Variants in SAMD4A observed in about 807,000 individuals in gnomAD.
SAMD4A encodes protein Smaug homolog 1.
A neutral mutation model predicts 81.3 loss-of-function variants in SAMD4A; 33 were observed. The observed-to-expected ratio is 0.41, with a 90% CI of 0.31 to 0.54. The LOEUF (loss-of-function observed/expected upper bound fraction) is 0.54. SAMD4A is among the 20% of genes least tolerant of loss of function. The probability of loss-of-function intolerance (pLI) is 0.37; values close to 1 mark genes in which losing one functional copy is unlikely to be tolerated. For synonymous variants in SAMD4A, 389 were observed against 382.1 expected (o/e 1.02, Z -0.21); for missense variants, 854 against 951.1 (o/e 0.90, Z 1.34).
At chr14:54,671,629 G>C (rs183034725) in intron 2 of SAMD4A, among the ~76,000 whole-genome samples, 1 of 152,296 alleles carries the variant, frequency 6.6e-6, no homozygotes, top group Admixed American at 6.5e-5. Context: ...GTCAGGCCTA[G>C]AATCTTGGAC....
At position 54,567,809 on chromosome 14, in the gene SAMD4A, C is replaced by G; in HGVS notation, c.-108C>G. ...TCCGGGCACCAGAGCCACCTTGGAA[C>G]AGGAACGCGTCTCCGGCCGCGGGGC... On this transcript the variant is annotated 5_prime_UTR_variant, in exon 2 of 13. Transcript: ENST00000554335. The G allele has an allele frequency of 8.1e-7, 1 of 1,231,464 alleles. No individual in the cohort carries two copies. The highest frequency in any genetic ancestry group is 1.1e-6 in the Non-Finnish European group (1 of 890,096). 76.3% of individuals were successfully genotyped at this position (1,231,464 alleles called of 1,614,324 possible).
intron 2 of SAMD4A, among the ~76,000 whole-genome samples, chr14:54,640,786 G>A (rs968743832): frequency 6.6e-6 from 1 of 152,032 alleles, no homozygotes; most frequent in African/African-American, 2.4e-5. Context: ...TGGTGCACTG[G>A]GCAGGCCGTG....
intron 2 of SAMD4A, among the ~76,000 whole-genome samples, chr14:54,580,437 G>A (rs1443731534): frequency 6.6e-6 from 1 of 152,164 alleles, no homozygotes; most frequent in African/African-American, 2.4e-5. Context: ...TTATAGTGTA[G>A]GAAGCATGTT....
chr14:54,597,808 G>A (rs1031560448), intron 2 of SAMD4A, among the ~76,000 whole-genome samples: 2 of 151,446 alleles, frequency 1.3e-5, no homozygotes, highest in Admixed American at 6.6e-5. Flanking sequence ...CCCAGGTCTC[G>A]AACTCCTGGG....
At chr14:54,712,876 C>A (rs1298205170) in intron 3 of SAMD4A, among the ~76,000 whole-genome samples, 1 of 152,058 alleles carries the variant, frequency 6.6e-6, no homozygotes, top group Non-Finnish European at 1.5e-5. Flanking sequence ...TGTTCTCATT[C>A]CCCACCAGAC....
intron 2 of SAMD4A, among the ~76,000 whole-genome samples, chr14:54,609,341 G>A (rs2034298897): frequency 6.6e-6 from 1 of 152,218 alleles, no homozygotes; most frequent in African/African-American, 2.4e-5. Flanking sequence ...AAGAGGCAAG[G>A]AAAGAGATTC....
At chr14:54,717,657 T>C (rs772767532) in intron 3 of SAMD4A, among the ~76,000 whole-genome samples, 4 of 152,064 alleles carry the variant, frequency 2.6e-5, no homozygotes, top group Non-Finnish European at 5.9e-5. Context: ...TCTCAAAATA[T>C]TGTGGCTAAA....
At chr14:54,726,174 A>C (rs1202741423) in intron 3 of SAMD4A, among the ~76,000 whole-genome samples, 1 of 152,170 alleles carries the variant, frequency 6.6e-6, no homozygotes, top group African/African-American at 2.4e-5. Flanking sequence ...AGCTTTCTGC[A>C]GCTGATTCAC....
chr14:54,566,204 G>C (rs963696117), upstream of SAMD4A, among the ~76,000 whole-genome samples: 1 of 151,344 alleles, frequency 6.6e-6, no homozygotes, highest in Non-Finnish European at 1.5e-5. Flanking sequence ...CCGCCCCGAC[G>C]GCATGGCCCG....
intron 2 of SAMD4A, among the ~76,000 whole-genome samples, chr14:54,657,471 A>C (rs768690399): frequency 1.3e-5 from 2 of 152,202 alleles, no homozygotes; most frequent in African/African-American, 4.8e-5. Context: ...TCATCGCCAG[A>C]TGAGAAGTCA....
At chr14:54,783,977 G>A (rs374139970) in intron 11 of SAMD4A, among the ~76,000 whole-genome samples, 7 of 152,202 alleles carry the variant, frequency 4.6e-5, no homozygotes, top group South Asian at 4.1e-4. Flanking sequence ...AGCTGTGGGC[G>A]AAGGCTATGA....
chr14:54,583,732 T>A lies in SAMD4A; in HGVS notation c.196+15620T>A, dbSNP rs1446369976. On this transcript the variant is annotated intron_variant, in intron 2 of 12. Coordinates refer to ENST00000554335, the MANE Select transcript of SAMD4A (RefSeq NM_015589.6). ...TGAATAGAATGGATACTGGAATCTA[T>A]TTTGACAGCTGTTGAAAATCTATTC... Among the ~76,000 whole-genome samples the A allele has an allele frequency of 5.6e-4, 85 of 152,340 alleles. 2 individuals carry two copies. Among genetic ancestry groups the A allele is most frequent in the Admixed American group, 5.6e-3 (85 of 15,300 alleles).
intron 3 of SAMD4A, among the ~76,000 whole-genome samples, chr14:54,725,932 G>A (rs766601976): frequency 4.6e-5 from 7 of 152,178 alleles, no homozygotes; most frequent in Non-Finnish European, 1.0e-4. Context: ...AGCTGCGTAT[G>A]TAGTTAGAGC....
At chr14:54,634,536 C>G (rs1459987851) in intron 2 of SAMD4A, among the ~76,000 whole-genome samples, 1 of 152,056 alleles carries the variant, frequency 6.6e-6, no homozygotes, top group African/African-American at 2.4e-5. Flanking sequence ...CTTGCATGCA[C>G]AGTTCACAAT....
At chr14:54,707,042 T>A (rs1416179729) in intron 3 of SAMD4A, among the ~76,000 whole-genome samples, 1 of 151,832 alleles carries the variant, frequency 6.6e-6, no homozygotes, top group African/African-American at 2.4e-5. Flanking sequence ...AAGGAATGGA[T>A]ACTAGAAATG....
At chr14:54,640,194 C>A (rs1025277584) in intron 2 of SAMD4A, among the ~76,000 whole-genome samples, 1 of 152,136 alleles carries the variant, frequency 6.6e-6, no homozygotes, top group African/African-American at 2.4e-5. Flanking sequence ...AAATGGTTTT[C>A]CCTCTTCCTT....
chr14:54,746,762 T>C (rs1281630100), intron 4 of SAMD4A, among the ~76,000 whole-genome samples: 4 of 152,238 alleles, frequency 2.6e-5, no homozygotes, highest in Non-Finnish European at 4.4e-5. Flanking sequence ...TGTGATGAAT[T>C]GTGCCCAAGA....
intron 7 of SAMD4A, 55 bp from the exon 8 acceptor site, chr14:54,764,400 C>T (rs2038483133): frequency 3.4e-6 from 4 of 1,191,640 alleles, no homozygotes; most frequent in Non-Finnish European, 4.9e-6. Flanking sequence ...GAGTCAGGTC[C>T]CAGAGATTAG....
chr14:54,666,820 A>G (rs1248203484), intron 2 of SAMD4A, among the ~76,000 whole-genome samples: 1 of 152,088 alleles, frequency 6.6e-6, no homozygotes, highest in Non-Finnish European at 1.5e-5. Context: ...GGTACCCCCA[A>G]ATGTTGGAGG....
Sources: gnomAD v4.1 joint callset for allele counts (sites outside exome capture counted in the v4.1 genomes callset) on GRCh38, gnomAD v4.1.1 for gene constraint, MANE v1.5 for transcripts, NCBI Gene and HGNC (gene_info 2026-07-23, HGNC 2026-07-21) for gene names.